The following BBX variants were observed in gnomAD, a reference collection of about 807,000 sequenced individuals.
BBX encodes the protein HMG box transcription factor BBX.
In BBX, 30 loss-of-function variants were observed where a neutral mutation model predicts 100.2. The observed-to-expected ratio is 0.30, with a 90% CI of 0.22 to 0.41. The LOEUF is 0.41. Ranked by LOEUF, BBX falls within the 10% of genes least tolerant of loss-of-function variation. BBX has a pLI of 1.00. For synonymous variants in BBX, 376 were observed against 388.1 expected (o/e 0.97, Z 0.37); for missense variants, 1,023 against 1,129.8 (o/e 0.91, Z 1.35).
intron 1 of BBX, 145 bp from the exon 2 acceptor site, chr3:107,526,182 G>A (rs561683442): frequency 1.3e-5 from 5 of 396,212 alleles, no homozygotes; most frequent in Non-Finnish European, 2.2e-5. Context: ...CCAGTGTCGG[G>A]GGGTGGTAGA....
chr3:107,690,555 C>G (rs2060094831), intron 3 of BBX, among the ~76,000 whole-genome samples: 1 of 152,156 alleles, frequency 6.6e-6, no homozygotes, highest in African/African-American at 2.4e-5. Flanking sequence ...CTAAAATCAG[C>G]AAACACAATG....
chr3:107,762,118 C>A (rs926178502), intron 10 of BBX, among the ~76,000 whole-genome samples: 1 of 152,088 alleles, frequency 6.6e-6, no homozygotes, highest in East Asian at 1.9e-4. Context: ...ATCTTTTCAC[C>A]TCATCCCCAA....
chr3:107,663,043 T>C (rs1166620234), intron 3 of BBX, among the ~76,000 whole-genome samples: 1 of 152,222 alleles, frequency 6.6e-6, no homozygotes, highest in Admixed American at 6.5e-5. Context: ...GCATGGATAT[T>C]AATGACCCTT....
chr3:107,659,616 G>T, intron 3 of BBX: 1 of 596,348 alleles, frequency 1.7e-6, no homozygotes, highest in Non-Finnish European at 2.6e-6. Flanking sequence ...CCAAGGTTAC[G>T]CTGCTAATAA....
chr3:107,574,829 G>C (rs2051651324), intron 2 of BBX, among the ~76,000 whole-genome samples: 1 of 152,180 alleles, frequency 6.6e-6, no homozygotes, highest in Admixed American at 6.5e-5. Flanking sequence ...ACTCAAGGCT[G>C]TAGAGGGCAG....
chr3:107,737,887 T>TG, intron 7 of BBX, among the ~76,000 whole-genome samples: 1 of 122,810 alleles, frequency 8.1e-6, no homozygotes, highest in South Asian at 2.6e-4. Context: ...AGTTCCAGTT[T>TG]TTTTTTTTTT....
intron 2 of BBX, among the ~76,000 whole-genome samples, chr3:107,604,583 T>G (rs1017674494): frequency 3.3e-5 from 5 of 152,126 alleles, no homozygotes; most frequent in African/African-American, 1.2e-4. Flanking sequence ...TACATGACAC[T>G]TCTGTTATTG....
chr3:107,698,796 T>TC lies in BBX; in HGVS notation c.-9-11655dup, dbSNP rs11425654. On this transcript the variant is annotated intron_variant, in intron 3 of 17. Coordinates refer to ENST00000325805, the MANE Select transcript of BBX (RefSeq NM_001142568.3). ...AAATTACAAATAGAGAGTCATTTTT[T>TC]CTCTCTTCAGATCTGCAATACTTAG... Among the ~76,000 whole-genome samples the TC allele has an allele frequency of 2.7e-5, 4 of 150,076 alleles. No homozygotes were observed. The East Asian group carries it at 7.7e-4, about 29-fold the overall frequency.
chr3:107,573,776 G>T (rs957545325), intron 2 of BBX, among the ~76,000 whole-genome samples: 8 of 151,964 alleles, frequency 5.3e-5, no homozygotes, highest in African/African-American at 1.9e-4. Context: ...GCCCAGGCTG[G>T]AGTGCAATGG....
chr3:107,562,741 A>G (rs2050597948), intron 2 of BBX, among the ~76,000 whole-genome samples: 1 of 152,324 alleles, frequency 6.6e-6, no homozygotes, highest in African/African-American at 2.4e-5. Flanking sequence ...TACTATTCAC[A>G]TTTATATTTC....
intron 3 of BBX, among the ~76,000 whole-genome samples, chr3:107,677,892 A>C (rs1379070347): frequency 6.6e-6 from 1 of 152,106 alleles, no homozygotes; most frequent in Non-Finnish European, 1.5e-5. Context: ...GTATACCCCA[A>C]CGTCTTCTTT....
chr3:107,546,508 A>C (rs1256094720), intron 2 of BBX, among the ~76,000 whole-genome samples: 1 of 152,188 alleles, frequency 6.6e-6, no homozygotes, highest in Non-Finnish European at 1.5e-5. Flanking sequence ...AAATCTTTTT[A>C]GGGCTACATC....
Position 107,695,604 on chromosome 3 carries a change from C to A in BBX, c.-9-14848C>A, listed in dbSNP as rs1263042699. 4.0e-5 allele frequency among the ~76,000 whole-genome samples: 6 copies of A among 151,162 alleles called. 1 individual carries two copies. The highest frequency in any genetic ancestry group is 1.5e-4 in the African/African-American group (6 of 40,576). On this transcript the variant is annotated intron_variant, in intron 3 of 17. Coordinates refer to ENST00000325805, the MANE Select transcript of BBX (RefSeq NM_001142568.3). ...GTTCTTTTACATTTGCTGAGGAGAG[C>A]TTTACTTCCAACTATGTGATCAATT...
At chr3:107,532,771 A>G (rs2048250271) in intron 2 of BBX, among the ~76,000 whole-genome samples, 1 of 152,234 alleles carries the variant, frequency 6.6e-6, no homozygotes, top group Non-Finnish European at 1.5e-5. Context: ...ATAAATCAAA[A>G]TTAAGTGACT....
At chr3:107,687,064 G>A (rs1385376996) in intron 3 of BBX, among the ~76,000 whole-genome samples, 1 of 152,028 alleles carries the variant, frequency 6.6e-6, no homozygotes, top group Non-Finnish European at 1.5e-5. Context: ...ATAGATGTTG[G>A]GAATTCTTAT....
At chr3:107,548,500 A>G (rs899862975) in intron 2 of BBX, among the ~76,000 whole-genome samples, 1 of 152,136 alleles carries the variant, frequency 6.6e-6, no homozygotes, top group Non-Finnish European at 1.5e-5. Flanking sequence ...TTTGGGAGAG[A>G]TCTTAATAAT....
chr3:107,644,782 A>G (rs185907384), intron 2 of BBX, among the ~76,000 whole-genome samples: 4 of 152,264 alleles, frequency 2.6e-5, no homozygotes. Context: ...GAGACCAATT[A>G]ATACTTTATT....
At chr3:107,571,215 C>T (rs1221059159) in intron 2 of BBX, among the ~76,000 whole-genome samples, 1 of 151,984 alleles carries the variant, frequency 6.6e-6, no homozygotes, top group Non-Finnish European at 1.5e-5. Context: ...GTGAGCAGCC[C>T]TGGGACGCAA....
chr3:107,671,224 G>A (rs1249585456), intron 3 of BBX, among the ~76,000 whole-genome samples: 3 of 151,810 alleles, frequency 2.0e-5, no homozygotes, highest in Non-Finnish European at 4.4e-5. Context: ...CCCAACAAAA[G>A]TTATTTGATT....
Sources: allele counts gnomAD v4.1 joint callset (sites outside exome capture counted in the v4.1 genomes callset), GRCh38; gene constraint gnomAD v4.1.1; transcripts MANE v1.5; gene names NCBI Gene and HGNC (gene_info 2026-07-23, HGNC 2026-07-21).